ESRRG: variants seen among roughly 807,000 people sequenced by gnomAD.
ESRRG encodes the protein estrogen-related receptor gamma.
In ESRRG, 13 loss-of-function variants were observed where a neutral mutation model predicts 44.0. The observed-to-expected ratio is 0.30, with a 90% CI of 0.19 to 0.47. ESRRG has a LOEUF of 0.47. Ranked by LOEUF, ESRRG falls within the 20% of genes least tolerant of loss-of-function variation. The pLI, the probability that ESRRG is intolerant of heterozygous loss-of-function variation, is 1.00. For synonymous variants in ESRRG, 215 were observed against 214.6 expected, an observed-to-expected ratio of 1.00 and a Z score of -0.02; for missense variants, 395 against 580.6, an observed-to-expected ratio of 0.68 and a Z score of 3.29.
At chr1:217,007,178 C>T (rs955560143) in intron 1 of ESRRG, among the ~76,000 whole-genome samples, 2 of 152,062 alleles carry the variant, frequency 1.3e-5, no homozygotes, top group African/African-American at 2.4e-5. Context: ...CATGTACATA[C>T]AGCATTCTAA....
chr1:216,549,518 TAGAGA>T lies in ESRRG; in HGVS notation c.862+14696_862+14700del, dbSNP rs574622767. Among the ~76,000 whole-genome samples, 8 of 152,144 alleles carry T rather than the reference TAGAGA, an allele frequency of 5.3e-5. No individual in the cohort carries two copies. In the East Asian group the frequency reaches 1.6e-3, roughly 30 times the overall value. ...TATTGAGTTGCCAGGAGAGCATAAT[TAGAGA>T]AAAGACATTCAGATCAGATAGTCCA... On this transcript the variant is annotated intron_variant, in intron 5 of 6. Transcript: ENST00000408911.
chr1:216,516,668 C>CACACACACACACAGAGAGAGAGAGAGAG (rs376701865), intron 6 of ESRRG, among the ~76,000 whole-genome samples: 21 of 137,168 alleles, frequency 1.5e-4, no homozygotes, highest in African/African-American at 5.9e-4. Context: ...CACACACACA[C>CACACACACACACAGAGAGAGAGAGAGAG]AGAGAGAGAG....
At chr1:217,006,394 T>C (rs1055272792) in intron 1 of ESRRG, among the ~76,000 whole-genome samples, 6 of 152,140 alleles carry the variant, frequency 3.9e-5, no homozygotes, top group African/African-American at 1.4e-4. Context: ...TTAAGTTATG[T>C]CTATATAGTA....
intron 1 of ESRRG, among the ~76,000 whole-genome samples, chr1:217,075,385 A>G (rs1181830302): frequency 6.6e-6 from 1 of 152,164 alleles, no homozygotes; most frequent in African/African-American, 2.4e-5. Flanking sequence ...AATATTAAAC[A>G]TGGTTAGGTC....
chr1:216,786,740 C>T (rs1465205416), intron 2 of ESRRG, among the ~76,000 whole-genome samples: 1 of 152,118 alleles, frequency 6.6e-6, no homozygotes, highest in Non-Finnish European at 1.5e-5. Flanking sequence ...GATTTCTTTA[C>T]AGAGGCATTG....
chr1:217,134,255 C>A (rs1469925434), intron 1 of ESRRG, among the ~76,000 whole-genome samples: 1 of 152,060 alleles, frequency 6.6e-6, no homozygotes, highest in Admixed American at 6.6e-5. Context: ...CAAATGGCAC[C>A]GACACAGACT....
chr1:216,547,452 A>G (rs2054892681), intron 5 of ESRRG, among the ~76,000 whole-genome samples: 1 of 151,970 alleles, frequency 6.6e-6, no homozygotes, highest in Admixed American at 6.6e-5. Context: ...AATTTTAAAA[A>G]TGCTATCAAG....
In ESRRG at chr1:216,503,722, T is replaced by C. The variant is rs1141268; in HGVS notation, c.*3217A>G. On this transcript the variant is annotated 3_prime_UTR_variant, in exon 7 of 7. Transcript: ENST00000408911. Reference sequence around the variant, plus strand: ...TAGCAGTTTTAAATTTTTTATATCTTTTATGTTATCATTTAAATGCAAAAT... The same window carrying C: ...TAGCAGTTTTAAATTTTTTATATCTCTTATGTTATCATTTAAATGCAAAAT... 6.6e-6 allele frequency: 1 copy of C among 152,582 alleles called. No individual in the cohort carries two copies. The highest frequency in any genetic ancestry group is 1.5e-5 in the Non-Finnish European group (1 of 68,002). The allele number at this position is 152,582 out of a possible 1,614,324, so 9.5% of individuals were successfully genotyped here.
At chr1:216,702,263 T>C (rs918541830) in intron 1 of ESRRG, among the ~76,000 whole-genome samples, 2 of 152,104 alleles carry the variant, frequency 1.3e-5, no homozygotes, top group African/African-American at 4.8e-5. Flanking sequence ...AACATCCAGA[T>C]TATAGATTCT....
intron 2 of ESRRG, among the ~76,000 whole-genome samples, chr1:216,824,375 G>A (rs944458607): frequency 2.6e-5 from 4 of 152,176 alleles, no homozygotes; most frequent in Non-Finnish European, 5.9e-5. Flanking sequence ...GAACAGGGGA[G>A]GGGGAGGTTG....
At chr1:216,559,167 TTCC>T (rs2058214859) in intron 5 of ESRRG, among the ~76,000 whole-genome samples, 1 of 152,046 alleles carries the variant, frequency 6.6e-6, no homozygotes, top group Non-Finnish European at 1.5e-5. Context: ...ACCGCACCCA[TTCC>T]ATAATTGAAT....
intron 5 of ESRRG, among the ~76,000 whole-genome samples, chr1:216,523,004 C>T (rs1250017978): frequency 1.3e-5 from 2 of 152,098 alleles, no homozygotes; most frequent in Non-Finnish European, 2.9e-5. Context: ...ATAAAATATG[C>T]TTTGCAGTTG....
chr1:216,744,484 G>GCA (rs57621941), intron 2 of ESRRG, among the ~76,000 whole-genome samples: 19,657 of 149,506 alleles, frequency 0.13, 1,329 homozygotes, highest in Middle Eastern at 0.22. Context: ...ACACAGACAT[G>GCA]CACACACACA....
chr1:217,012,765 T>A (rs1408538875), intron 1 of ESRRG, among the ~76,000 whole-genome samples: 1 of 152,212 alleles, frequency 6.6e-6, no homozygotes, highest in Non-Finnish European at 1.5e-5. Context: ...TCCTTTTTTT[T>A]CTGAGTTCTT....
intron 2 of ESRRG, among the ~76,000 whole-genome samples, chr1:216,847,904 G>A (rs2095781958): frequency 6.6e-6 from 1 of 152,108 alleles, no homozygotes. Context: ...CTCCATTCTT[G>A]TCTCCTGTGG....
chr1:216,510,518 G>A (rs2042397943), intron 6 of ESRRG, among the ~76,000 whole-genome samples: 1 of 148,614 alleles, frequency 6.7e-6, no homozygotes, highest in Non-Finnish European at 1.5e-5. Flanking sequence ...ATAAGACAGA[G>A]CCACTGAAAA....
chr1:216,791,843 T>C (rs2094330259), intron 2 of ESRRG, among the ~76,000 whole-genome samples: 1 of 152,180 alleles, frequency 6.6e-6, no homozygotes, highest in South Asian at 2.1e-4. Flanking sequence ...ATCTTCTGCA[T>C]AGTTTTGCAG....
At chr1:216,961,577 T>TG (rs1310575124) in intron 1 of ESRRG, among the ~76,000 whole-genome samples, 1 of 123,452 alleles carries the variant, frequency 8.1e-6, no homozygotes, top group African/African-American at 2.6e-5. Context: ...TTTTTTTTTT[T>TG]GTCTATTTCT....
chr1:216,913,181 G>T (rs918952565), intron 2 of ESRRG, among the ~76,000 whole-genome samples: 8 of 150,480 alleles, frequency 5.3e-5, no homozygotes, highest in African/African-American at 2.0e-4. Context: ...TTGAATAGTT[G>T]CATCTCTACT....
Sources: allele counts gnomAD v4.1 joint callset (sites outside exome capture counted in the v4.1 genomes callset), GRCh38; gene constraint gnomAD v4.1.1; transcripts MANE v1.5; gene names NCBI Gene and HGNC (gene_info 2026-07-23, HGNC 2026-07-21).